Variants in ADAMTS4 observed in about 807,000 individuals in gnomAD.
The protein encoded by ADAMTS4 is ADAM metallopeptidase with thrombospondin type 1 motif 4.
ADAMTS4 carries 38 observed loss-of-function variants against 66.7 expected under a neutral mutation model. The ratio of observed to expected loss-of-function variants is 0.57; its 90% CI spans 0.44 to 0.75. ADAMTS4 has a LOEUF of 0.75. Among genes scored for constraint, ADAMTS4 ranks in the 30% least tolerant of loss-of-function variants. The pLI, the probability that ADAMTS4 is intolerant of heterozygous loss-of-function variation, is 0.00. For synonymous variants in ADAMTS4, 418 were observed against 461.5 expected (o/e 0.91, Z 1.21); for missense variants, 1,014 against 1,116.7 (o/e 0.91, Z 1.31).
chr1:161,192,990 C>T (rs769548090), intron 7 of ADAMTS4, among the ~76,000 whole-genome samples: 9 of 152,162 alleles, frequency 5.9e-5, no homozygotes, highest in Non-Finnish European at 1.2e-4. Flanking sequence ...AAAGAAACCA[C>T]GGGAAATAGG....
chr1:161,191,408 G>A lies in ADAMTS4; in HGVS notation c.2244C>T (p.Pro748=), dbSNP rs1440464874. The change falls in exon 9 of 9, where the codon CCC becomes CCT. Residue 748 remains proline (P), a synonymous_variant. Transcript: ENST00000367996. The part of the protein sequence containing the change: ...LNGEYTLMPS[P]TDVVLPGAVS... Reference sequence around the variant, plus strand: ...CTGCCCCAGGCAGTACCACATCTGTGGGGGAGGGCATCAGCGTGTATTCAC... The same window carrying A: ...CTGCCCCAGGCAGTACCACATCTGTAGGGGAGGGCATCAGCGTGTATTCAC... 1 of 1,614,108 alleles carries A rather than the reference G, an allele frequency of 6.2e-7. No individual in the cohort carries two copies. The highest frequency in any genetic ancestry group is 1.7e-5 in the Admixed American group (1 of 60,032).
At position 161,190,523 on chromosome 1, in the gene ADAMTS4, A is replaced by AG. The variant is rs1411897230; in HGVS notation, c.*614_*615insC. The AG allele has an allele frequency of 6.7e-6, 1 of 148,424 alleles. No individual in the cohort carries two copies. The highest frequency in any genetic ancestry group is 2.4e-5 in the African/African-American group (1 of 41,062). 9.2% of individuals were successfully genotyped at this position (148,424 alleles called of 1,614,324 possible). A position where few individuals can be genotyped will look rare whatever the true frequency, so the allele number is the denominator to read the frequency against. ...GCGAGATTCTGTCTCAAAAAAAAAA[A>AG]AGAAAGAAAGAAAGAAAAAAAAAAA... is the stretch of plus-strand genomic sequence containing the variant. On this transcript the variant is annotated 3_prime_UTR_variant, in exon 9 of 9. Coordinates refer to ENST00000367996, the MANE Select transcript of ADAMTS4 (RefSeq NM_005099.6).
chr1:161,196,116 A>C, intron 3 of ADAMTS4, 55 bp downstream of exon 3: 29 of 1,491,846 alleles, frequency 1.9e-5, no homozygotes, highest in Non-Finnish European at 2.6e-5. Flanking sequence ...TGAACTTGCT[A>C]CCCCCTCCCC....
chr1:161,196,425 A>G (rs1346249779), intron 2 of ADAMTS4, 122 bp from the exon 3 acceptor site: 45 of 1,508,210 alleles, frequency 3.0e-5, no homozygotes, highest in Non-Finnish European at 3.7e-5. Flanking sequence ...CTAGGTAGCC[A>G]CACATGGCAG....
Position 161,196,264 on chromosome 1 carries a change from C to T in ADAMTS4, c.997G>A (p.Ala333Thr). ...GGGTCACAGACGGTGCCCACATCAG[C>T]CATACCCAGCGTGTCGCAAGTGGAG... ...GVSTCDTLGM[A>T]DVGTVCDPAR... is the part of the protein sequence containing the mutation. Residue 333 changes from alanine (A) to threonine (T), a missense_variant, in exon 3 of 9, where the codon GCT becomes ACT. By Grantham distance (58) the Ala-to-Thr change is moderately conservative. Coordinates refer to ENST00000367996, the MANE Select transcript of ADAMTS4 (RefSeq NM_005099.6). 3 of 1,613,702 alleles carry T rather than the reference C, an allele frequency of 1.9e-6. No homozygotes were observed. Among genetic ancestry groups the T allele is most frequent in the South Asian group, 2.2e-5 (2 of 91,048 alleles).
chr1:161,187,132 G>A lies in ADAMTS4; in HGVS notation c.*4006C>T, dbSNP rs1664559112. On this transcript the variant is annotated 3_prime_UTR_variant, in exon 9 of 9. Coordinates refer to ENST00000367996, the MANE Select transcript of ADAMTS4 (RefSeq NM_005099.6). ...GTCCATTCAGTTCAGGGCTCATTAG[G>A]CTCTTATCTTCTAGTCCCTTTTACT... is the stretch of plus-strand genomic sequence containing the variant. 6.6e-6 allele frequency: 1 copy of A among 152,230 alleles called. No homozygotes were observed. Among genetic ancestry groups the A allele is most frequent in the South Asian group, 2.1e-4 (1 of 4,832 alleles). The allele number at this position is 152,230 out of a possible 1,614,324, so 9.4% of individuals were successfully genotyped here. A position where few individuals can be genotyped will look rare whatever the true frequency, so the allele number is the denominator to read the frequency against.
rs1664833464 is a variant in ADAMTS4, at chr1:161,196,297, A to T, written c.964T>A (p.Cys322Ser). Residue 322 changes from cysteine (C) to serine (S), a missense_variant, in exon 3 of 9, where the codon TGT (cysteine) becomes AGT (serine). Coordinates refer to ENST00000367996, the MANE Select transcript of ADAMTS4 (RefSeq NM_005099.6). ...AGCGTGTCGCAAGTGGAGACTCCACACAGGTCCTGTGGAGAGGGATCATAG... is the reference window on the plus strand; with the variant it reads ...AGCGTGTCGCAAGTGGAGACTCCACTCAGGTCCTGTGGAGAGGGATCATAG... ...TAILFTRQDLCGVSTCDTLGM... is the reference protein window; with the variant it reads ...TAILFTRQDLSGVSTCDTLGM... 1 of 1,611,000 alleles carries T rather than the reference A, an allele frequency of 6.2e-7. No individual in the cohort carries two copies. The highest frequency in any genetic ancestry group is 1.3e-5 in the African/African-American group (1 of 74,788).
rs776043198 is a variant in ADAMTS4, at chr1:161,193,885, A to C, written c.1548+50T>G. On this transcript the variant is annotated intron_variant, in intron 5 of 8. Transcript: ENST00000367996. This position sits in a 1 kb window ranked among gnomAD's most constrained non-coding sequence, Gnocchi z 4.4. ...TGAACTCTCTCCTGGGCTTAAGGCCAGTCCCCACACCCCCGGGCCCTTTAC... is the reference window on the plus strand; with the variant it reads ...TGAACTCTCTCCTGGGCTTAAGGCCCGTCCCCACACCCCCGGGCCCTTTAC... 1 of 1,564,376 alleles carries C rather than the reference A, an allele frequency of 6.4e-7. No individual in the cohort carries two copies. Among genetic ancestry groups the C allele is most frequent in the Non-Finnish European group, 8.7e-7 (1 of 1,152,666 alleles).
In ADAMTS4 at chr1:161,198,161, C is replaced by T. The variant is rs116754483; in HGVS notation, c.467G>A (p.Arg156Gln). Residue 156 changes from arginine to glutamine, a missense_variant, in exon 1 of 9, where the codon CGG (arginine) becomes CAG (glutamine). Transcript: ENST00000367996. This position sits in a 1 kb window ranked among gnomAD's most constrained non-coding sequence, Gnocchi z 4.7. ...GGGCTGGAGGTGGAGTTCAGCCCCC[C>T]GATATTGTAACACGCCTAACAGGGC... is the stretch of plus-strand genomic sequence containing the variant. ...GGALLGVLQY[R>Q]GAELHLQPLE... 2.8e-5 allele frequency: 45 copies of T among 1,613,996 alleles called. No homozygotes were observed. In the East Asian group the frequency reaches 4.5e-4, roughly 16 times the overall value.
chr1:161,196,592 C>G lies in ADAMTS4; in HGVS notation c.922G>C (p.Asp308His), dbSNP rs115365549. 100 of 1,614,178 alleles carry G rather than the reference C, an allele frequency of 6.2e-5. 1 individual carries two copies. The African/African-American group carries it at 1.3e-3, about 21-fold the overall frequency. ...GLNTPEDSDP[D>H]HFDTAILFTR... ...AACAGAATGGCTGTGTCAAAGTGGT[C>G]AGGGTCCGAGTCCTCAGGGGTGTTG... Residue 308 changes from aspartate (D) to histidine (H), a missense_variant, in exon 2 of 9, where the codon GAC (aspartate) becomes CAC (histidine). Physicochemically the swap from Asp to His is moderately conservative, Grantham distance 81. Coordinates refer to ENST00000367996, the MANE Select transcript of ADAMTS4 (RefSeq NM_005099.6).
Position 161,193,272 on chromosome 1 carries a change from G to A in ADAMTS4, c.1852C>T (p.Gln618Ter). 4 of 1,614,068 alleles carry A rather than the reference G, an allele frequency of 2.5e-6. No individual in the cohort carries two copies. Among genetic ancestry groups the A allele is most frequent in the Non-Finnish European group, 3.4e-6 (4 of 1,179,998 alleles). Reference protein sequence around the residue: ...PRYTGVAPQDQCKLTCQAQAL... With the variant: ...PRYTGVAPQD Reference sequence around the variant, plus strand: ...TGGGCCTGGCAGGTGAGTTTGCACTGGTCCTGGGGGGCCACGCCTGTGTAG... The same window carrying A: ...TGGGCCTGGCAGGTGAGTTTGCACTAGTCCTGGGGGGCCACGCCTGTGTAG... Residue 618 changes from glutamine (Q) to a stop codon, truncating the protein, a stop_gained, in exon 7 of 9, where the codon CAG (glutamine) becomes TAG (stop). Coordinates refer to ENST00000367996, the MANE Select transcript of ADAMTS4 (RefSeq NM_005099.6). LOFTEE classifies it high-confidence loss of function. The surrounding 1 kb of genome is among the most constrained non-coding windows in gnomAD (Gnocchi z 4.4).
rs1330875458 is a variant in ADAMTS4 at position 161,193,910 on chromosome 1, C to T, written c.1548+25G>A. 1 of 1,562,936 alleles carries T rather than the reference C, an allele frequency of 6.4e-7. No homozygotes were observed. Among genetic ancestry groups the T allele is most frequent in the Non-Finnish European group, 8.7e-7 (1 of 1,152,096 alleles). On this transcript the variant is annotated intron_variant, in intron 5 of 8. Transcript: ENST00000367996. The surrounding 1 kb of genome is among the most constrained non-coding windows in gnomAD (Gnocchi z 4.4). ...AGTCCCCACACCCCCGGGCCCTTTA[C>T]CCCACCCCTGCCCTAGGATCTCACA...
Position 161,193,720 on chromosome 1 carries a change from G to T in ADAMTS4, c.1655C>A (p.Pro552His). The change falls in exon 6 of 9, where the codon CCC (proline) becomes CAC (histidine). Residue 552 changes from proline (P) to histidine (H), a missense_variant. Pro to His is a moderately conservative substitution (Grantham distance 77). Transcript: ENST00000367996. This position sits in a 1 kb window ranked among gnomAD's most constrained non-coding sequence, Gnocchi z 4.4. ...FSSRDCTRPV[P>H]RNGGKYCEGR... ...CTCACAGTACTTGCCACCATTCCGG[G>T]GGACAGGCCTCGTGCAGTCTCGGGA... is the stretch of plus-strand genomic sequence containing the variant. The T allele has an allele frequency of 3.1e-6, 5 of 1,614,112 alleles. No homozygotes were observed. The highest frequency in any genetic ancestry group is 4.2e-6 in the Non-Finnish European group (5 of 1,180,004).
At chr1:161,196,407 G>C in intron 2 of ADAMTS4, 104 bp from the exon 3 acceptor site, 1 of 1,519,016 alleles carries the variant, frequency 6.6e-7, no homozygotes, top group Middle Eastern at 1.8e-4. Flanking sequence ...ACCCAGCACT[G>C]TCAGGGCCTA....
chr1:161,188,829 T>C lies in ADAMTS4; in HGVS notation c.*2309A>G, dbSNP rs1452687017. On this transcript the variant is annotated 3_prime_UTR_variant, in exon 9 of 9. Coordinates refer to ENST00000367996, the MANE Select transcript of ADAMTS4 (RefSeq NM_005099.6). ...GCCTCCCGGGTGCAAGTCATTCTCC[T>C]GCCTCAGTCTCCCAAGTAGCTGGGA... The C allele has an allele frequency of 1.4e-5, 2 of 143,808 alleles. No homozygotes were observed. Among genetic ancestry groups the C allele is most frequent in the Non-Finnish European group, 3.0e-5 (2 of 66,288 alleles). 8.9% of individuals were successfully genotyped at this position (143,808 alleles called of 1,614,324 possible).
chr1:161,188,883 A>AATATATATATATATATATAT lies in ADAMTS4; in HGVS notation c.*2235_*2254dup, dbSNP rs71777753. 1,401 of 67,886 alleles carry AATATATATATATATATATAT rather than the reference A, an allele frequency of 0.021. 52 individuals carry two copies. The highest frequency in any genetic ancestry group is 0.042 in the East Asian group (46 of 1,102). The allele number at this position is 67,886 out of a possible 1,614,324, so 4.2% of individuals were successfully genotyped here. A position where few individuals can be genotyped will look rare whatever the true frequency, so the allele number is the denominator to read the frequency against. On this transcript the variant is annotated 3_prime_UTR_variant, in exon 9 of 9. Transcript: ENST00000367996. ...TAGGCACCTGTCACCATGCCCGGCT[A>AATATATATATATATATATAT]ATATATATATATATATATATATATA...
intron 8 of ADAMTS4, 143 bp from the exon 9 acceptor site, chr1:161,191,707 G>T: frequency 2.3e-6 from 2 of 864,556 alleles, no homozygotes; most frequent in Non-Finnish European, 3.5e-6. Flanking sequence ...CTGGATCAGA[G>T]CTACATGCAC....
At chr1:161,191,634 G>GT in intron 8 of ADAMTS4, 70 bp from the exon 9 acceptor site, 1 of 1,447,058 alleles carries the variant, frequency 6.9e-7, no homozygotes, top group South Asian at 1.3e-5. Flanking sequence ...CTGTGCTTAT[G>GT]TGACTGTATG....
In ADAMTS4 at chr1:161,191,262, C is replaced by G; in HGVS notation, c.2390G>C (p.Arg797Pro). The change falls in exon 9 of 9, where the codon CGA becomes CCA. Residue 797 changes from arginine (R) to proline (P), a missense_variant. Coordinates refer to ENST00000367996, the MANE Select transcript of ADAMTS4 (RefSeq NM_005099.6). Reference protein sequence around the residue: ...VAGNPQDTRLRYSFFVPRPTP... With the variant: ...VAGNPQDTRLPYSFFVPRPTP... Reference sequence around the variant, plus strand: ...CGGCCGGGGCACGAAGAAGCTGTATCGGAGGCGTGTGTCCTGGGGGTTGCC... The same window carrying G: ...CGGCCGGGGCACGAAGAAGCTGTATGGGAGGCGTGTGTCCTGGGGGTTGCC... 2 of 1,613,840 alleles carry G rather than the reference C, an allele frequency of 1.2e-6. No individual in the cohort carries two copies. The highest frequency in any genetic ancestry group is 1.7e-6 in the Non-Finnish European group (2 of 1,180,000).
Sources: gnomAD v4.1 joint callset for allele counts (sites outside exome capture counted in the v4.1 genomes callset) on GRCh38, gnomAD v4.1.1 for gene constraint, Gnocchi (gnomAD v3.1) non-coding constraint, MANE v1.5 for transcripts, NCBI Gene and HGNC (gene_info 2026-07-23, HGNC 2026-07-21) for gene names.